SLIT3: variants seen among roughly 807,000 people sequenced by gnomAD.
SLIT3 encodes the protein slit guidance ligand 3, also known as slit homolog 3 protein.
In SLIT3, 68 loss-of-function variants were observed where a neutral mutation model predicts 184.0. The observed-to-expected ratio is 0.37, with a 90% CI of 0.30 to 0.45. The LOEUF is 0.45. Among genes scored for constraint, SLIT3 ranks in the 20% least tolerant of loss-of-function variants. The pLI is 1.00. For missense variants in SLIT3, 1,707 were observed against 2,026.0 expected (o/e 0.84, Z 3.02); for synonymous variants, 831 against 828.6 (o/e 1.00, Z -0.05).
chr5:169,186,804 C>T (rs1324246420), intron 4 of SLIT3, among the ~76,000 whole-genome samples: 1 of 152,170 alleles, frequency 6.6e-6, no homozygotes, highest in Non-Finnish European at 1.5e-5. Context: ...CCCTGGGAAG[C>T]AAGTTCCCTG....
At chr5:169,209,771 G>T (rs900399593) in intron 3 of SLIT3, among the ~76,000 whole-genome samples, 1 of 151,978 alleles carries the variant, frequency 6.6e-6, no homozygotes, top group Non-Finnish European at 1.5e-5. Flanking sequence ...ATAGCAAGGG[G>T]AACCTCACAC....
At chr5:169,094,005 G>C (rs1759685046) in intron 4 of SLIT3, among the ~76,000 whole-genome samples, 1 of 152,106 alleles carries the variant, frequency 6.6e-6, no homozygotes, top group Non-Finnish European at 1.5e-5. Flanking sequence ...TTTCCTATCT[G>C]TGAACTCACA....
At chr5:169,226,007 G>T (rs566222086) in intron 3 of SLIT3, among the ~76,000 whole-genome samples, 1 of 152,268 alleles carries the variant, frequency 6.6e-6, no homozygotes, top group South Asian at 2.1e-4. Context: ...ATAATGGCGC[G>T]GATGAGATCA....
chr5:168,783,409 A>T (rs890909488), intron 12 of SLIT3, among the ~76,000 whole-genome samples: 17 of 151,898 alleles, frequency 1.1e-4, no homozygotes, highest in Non-Finnish European at 2.4e-4. Context: ...GATGGCCAAA[A>T]AGTCCAGAGG....
chr5:169,147,362 G>A (rs1471011980), intron 4 of SLIT3, among the ~76,000 whole-genome samples: 9 of 152,168 alleles, frequency 5.9e-5, no homozygotes, highest in Non-Finnish European at 1.0e-4. Context: ...TCCACCTCCC[G>A]GGTTCAAGCG....
intron 4 of SLIT3, among the ~76,000 whole-genome samples, chr5:168,922,044 C>A (rs764181245): frequency 3.9e-5 from 6 of 152,210 alleles, no homozygotes; most frequent in Non-Finnish European, 8.8e-5. Flanking sequence ...ATGAAATGAA[C>A]TCCATTTTAC....
At chr5:169,111,994 A>G (rs1760427677) in intron 4 of SLIT3, among the ~76,000 whole-genome samples, 1 of 152,224 alleles carries the variant, frequency 6.6e-6, no homozygotes, top group Non-Finnish European at 1.5e-5. Flanking sequence ...CTAAACTCAC[A>G]CTGGATGAAT....
At chr5:169,014,557 T>C (rs529557379) in intron 4 of SLIT3, among the ~76,000 whole-genome samples, 52 of 152,256 alleles carry the variant, frequency 3.4e-4, no homozygotes, top group Admixed American at 1.2e-3. Flanking sequence ...TTTCCTTCGC[T>C]CCTCTGAGCT....
intron 4 of SLIT3, chr5:169,038,005 G>A (rs1310431066): frequency 6.6e-6 from 1 of 152,146 alleles, no homozygotes; most frequent in Non-Finnish European, 1.5e-5. Context: ...TTCAGTATGT[G>A]TCTATCCTAG....
intron 4 of SLIT3, among the ~76,000 whole-genome samples, chr5:169,073,487 C>T (rs141793864): frequency 6.6e-6 from 1 of 151,888 alleles, no homozygotes; most frequent in African/African-American, 2.4e-5. Context: ...GAGGCAAAGT[C>T]GTCTTCTACA....
chr5:169,088,817 C>G (rs988526898), intron 4 of SLIT3, among the ~76,000 whole-genome samples: 1 of 151,734 alleles, frequency 6.6e-6, no homozygotes, highest in Non-Finnish European at 1.5e-5. Context: ...GCCAGGAGTT[C>G]AAGACCAGCC....
At chr5:169,259,871 G>A (rs758024089) in intron 1 of SLIT3, among the ~76,000 whole-genome samples, 4 of 152,176 alleles carry the variant, frequency 2.6e-5, no homozygotes, top group African/African-American at 4.8e-5. Flanking sequence ...CTGAGGATGA[G>A]CTAAGACTCA....
At chr5:168,726,412 C>A (rs1002701272) in intron 20 of SLIT3, among the ~76,000 whole-genome samples, 185 of 1,908 alleles carry the variant, frequency 0.097, 7 homozygotes, top group Middle Eastern at 0.25. Context: ...GGCAGGGAGG[C>A]AGAGGGAGGC....
intron 4 of SLIT3, chr5:169,120,495 A>C (rs1253619727): frequency 6.6e-6 from 1 of 152,194 alleles, no homozygotes; most frequent in Non-Finnish European, 1.5e-5. Flanking sequence ...GGAAAAAGGC[A>C]AAGAAATGAA....
At chr5:168,726,390 G>C (rs1300445867) in intron 20 of SLIT3, among the ~76,000 whole-genome samples, 7 of 62,368 alleles carry the variant, frequency 1.1e-4, no homozygotes, top group African/African-American at 3.3e-4. Flanking sequence ...GGGAGGCAGG[G>C]AGGCAGAGGG....
rs754146629 is a variant in SLIT3, at chr5:168,722,311, G to A, written c.2428C>T (p.Arg810Trp). The A allele has an allele frequency of 2.0e-5, 33 of 1,614,018 alleles. No homozygotes were observed. The East Asian group carries it at 2.9e-4, about 14-fold the overall frequency. The change falls in exon 23 of 36, where the codon CGG becomes TGG. Residue 810 changes from arginine to tryptophan, a missense_variant. Physicochemically the swap from Arg to Trp is moderately radical, Grantham distance 101. This residue lies in a region of SLIT3 where 1,307 missense variants were observed against 1,511.6 expected (regional missense o/e 0.86). Coordinates refer to ENST00000519560, the MANE Select transcript of SLIT3 (RefSeq NM_003062.4). ...GCGTGGACGGGGATGCACCTCAGCC[G>A]GTTGTAGCTCAGGATCCTGTGGAAA... Reference protein sequence around the residue: ...HLSTLILSYNRLRCIPVHAFN... With the variant: ...HLSTLILSYNWLRCIPVHAFN...
chr5:168,745,486 A>T (rs1284983520), intron 20 of SLIT3, among the ~76,000 whole-genome samples: 4 of 151,558 alleles, frequency 2.6e-5, no homozygotes, highest in Non-Finnish European at 5.9e-5. Flanking sequence ...ATCTTGGCTC[A>T]CTGCAACTTC....
At chr5:168,765,334 T>G (rs948611506) in intron 14 of SLIT3, among the ~76,000 whole-genome samples, 1 of 152,236 alleles carries the variant, frequency 6.6e-6, no homozygotes, top group Non-Finnish European at 1.5e-5. Flanking sequence ...GATTTTGCAA[T>G]TAGATTCGAT....
intron 3 of SLIT3, among the ~76,000 whole-genome samples, chr5:169,213,271 T>C (rs1448546298): frequency 6.6e-6 from 1 of 151,784 alleles, no homozygotes; most frequent in Non-Finnish European, 1.5e-5. Context: ...GTGAAGGCCC[T>C]CTTCAAGGAG....
Sources: gnomAD v4.1 joint callset for allele counts (sites outside exome capture counted in the v4.1 genomes callset) on GRCh38, gnomAD v4.1.1 for gene constraint, gnomAD v4.1.1 regional missense constraint, MANE v1.5 for transcripts, NCBI Gene and HGNC (gene_info 2026-07-23, HGNC 2026-07-21) for gene names.